RANBP2: variants seen among roughly 807,000 people sequenced by gnomAD.
The protein encoded by RANBP2 is RAN binding protein 2, also known as E3 SUMO-protein ligase RanBP2.
A neutral mutation model predicts 303.6 loss-of-function variants in RANBP2; 57 were observed. The observed-to-expected ratio is 0.19, with a 90% CI of 0.15 to 0.23. RANBP2 has a LOEUF of 0.23. RANBP2 is among the 10% of genes least tolerant of loss of function. The pLI is 1.00. For missense variants in RANBP2, 3,138 were observed against 3,780.8 expected, an observed-to-expected ratio of 0.83 and a Z score of 4.46; for synonymous variants, 1,167 against 1,301.5, an observed-to-expected ratio of 0.90 and a Z score of 2.23.
the RANBP2 span, among the ~76,000 whole-genome samples, chr2:109,626,177 C>T: frequency 6.6e-6 from 1 of 152,238 alleles, no homozygotes; most frequent in Non-Finnish European, 1.5e-5. Context: ...TAGATGATAA[C>T]ATCCAAATGC....
the RANBP2 span, among the ~76,000 whole-genome samples, chr2:108,983,586 ATCTG>A: frequency 2.0e-5 from 3 of 152,128 alleles, no homozygotes; most frequent in African/African-American, 7.2e-5. Context: ...CTCGTGATCC[ATCTG>A]TCTGCCTTGA....
chr2:108,784,318 A>G lies in RANBP2; in HGVS notation c.*417A>G, dbSNP rs185337564. The G allele has an allele frequency of 1.0e-3, 181 of 180,846 alleles. No homozygotes were observed. Among genetic ancestry groups the G allele is most frequent in the African/African-American group, 4.2e-3 (175 of 41,948 alleles). 11.2% of individuals were successfully genotyped at this position (180,846 alleles called of 1,614,324 possible). A position where few individuals can be genotyped will look rare whatever the true frequency, so the allele number is the denominator to read the frequency against. ...GATAATTTAATTTTAGGTTTGAAATATATTTGGTAATCTTAACTATTGGTG... is the reference window on the plus strand; with the variant it reads ...GATAATTTAATTTTAGGTTTGAAATGTATTTGGTAATCTTAACTATTGGTG... On this transcript the variant is annotated 3_prime_UTR_variant, in exon 29 of 29. Transcript: ENST00000283195.
the RANBP2 span, among the ~76,000 whole-genome samples, chr2:108,994,566 T>A: frequency 6.6e-6 from 1 of 151,942 alleles, no homozygotes; most frequent in Non-Finnish European, 1.5e-5. Flanking sequence ...CCAGAAAAAT[T>A]AAGAGGGGAG....
the RANBP2 span, among the ~76,000 whole-genome samples, chr2:108,839,946 C>G: frequency 6.6e-6 from 1 of 151,802 alleles, no homozygotes; most frequent in South Asian, 2.1e-4. Context: ...CCTTGTTTCT[C>G]CTCTTAGGAG....
chr2:109,062,154 GAT>G, the RANBP2 span, among the ~76,000 whole-genome samples: 21,218 of 152,140 alleles, frequency 0.14, 1,547 homozygotes, highest in Non-Finnish European at 0.16. Context: ...TTTCACTTTG[GAT>G]AAAAGTTATC....
chr2:108,761,052 G>T (rs1172253911), intron 18 of RANBP2, among the ~76,000 whole-genome samples: 1 of 150,028 alleles, frequency 6.7e-6, no homozygotes, highest in Non-Finnish European at 1.5e-5. Flanking sequence ...TATTAGAGCC[G>T]CACAGTTTAG....
chr2:108,986,078 T>C, the RANBP2 span, among the ~76,000 whole-genome samples: 1 of 152,118 alleles, frequency 6.6e-6, no homozygotes, highest in African/African-American at 2.4e-5. Context: ...CTAAGGGCAA[T>C]GATGAAAAAT....
chr2:109,662,867 A>C, the RANBP2 span, among the ~76,000 whole-genome samples: 1 of 152,284 alleles, frequency 6.6e-6, no homozygotes, highest in African/African-American at 2.4e-5. Flanking sequence ...TGCGATTGCC[A>C]TGGCTTCCTA....
chr2:108,930,380 C>T, the RANBP2 span: 72 of 876,502 alleles, frequency 8.2e-5, no homozygotes, highest in Admixed American at 9.2e-4. Flanking sequence ...GGAAGGTGCC[C>T]GCTTGTGAGT....
At chr2:109,708,282 C>G in the RANBP2 span, among the ~76,000 whole-genome samples, 2 of 151,626 alleles carry the variant, frequency 1.3e-5, no homozygotes, top group African/African-American at 2.4e-5. Flanking sequence ...GCTACTTGAG[C>G]CTGGGAGGTT....
the RANBP2 span, among the ~76,000 whole-genome samples, chr2:109,694,498 G>T: frequency 6.7e-6 from 1 of 150,318 alleles, no homozygotes; most frequent in Non-Finnish European, 1.5e-5. Flanking sequence ...CTACCTCCCA[G>T]GTTCAAGCGA....
chr2:108,742,438 G>A (rs1261578602), intron 7 of RANBP2, among the ~76,000 whole-genome samples: 2 of 151,988 alleles, frequency 1.3e-5, no homozygotes, highest in Non-Finnish European at 2.9e-5. Flanking sequence ...CACGTATCTG[G>A]GATTACAGGC....
intron 21 of RANBP2, 98 bp downstream of exon 21, chr2:108,771,969 T>G: frequency 1.4e-6 from 2 of 1,416,366 alleles, no homozygotes; most frequent in Non-Finnish European, 2.0e-6. Flanking sequence ...TTAGAACTTA[T>G]CACTAATATC....
At chr2:109,679,697 T>C in the RANBP2 span, among the ~76,000 whole-genome samples, 2 of 152,156 alleles carry the variant, frequency 1.3e-5, no homozygotes, top group Non-Finnish European at 2.9e-5. Flanking sequence ...CTTGCTTATA[T>C]AGCAATTCCC....
At chr2:109,313,261 C>G in the RANBP2 span, among the ~76,000 whole-genome samples, 1 of 152,240 alleles carries the variant, frequency 6.6e-6, no homozygotes, top group Non-Finnish European at 1.5e-5. Flanking sequence ...TTCCTCTTCA[C>G]AAGGCCCAGG....
the RANBP2 span, among the ~76,000 whole-genome samples, chr2:109,292,021 G>A: frequency 4.6e-5 from 7 of 152,134 alleles, no homozygotes; most frequent in East Asian, 3.9e-4. Context: ...ACGCCACCAC[G>A]CCCAGCTAAT....
chr2:108,731,434 C>T lies in RANBP2; in HGVS notation c.365C>T (p.Ala122Val). 1 of 1,611,422 alleles carries T rather than the reference C, an allele frequency of 6.2e-7. No individual in the cohort carries two copies. Among genetic ancestry groups the T allele is most frequent in the Non-Finnish European group, 8.5e-7 (1 of 1,179,546 alleles). Residue 122 changes from alanine to valine, a missense_variant, in exon 4 of 29, where the codon GCC becomes GTC. Ala to Val is a moderately conservative substitution (Grantham distance 64). Coordinates refer to ENST00000283195, the MANE Select transcript of RANBP2 (RefSeq NM_006267.5). The stretch of plus-strand genomic sequence containing the variant: ...GCAAAATACTGGCTTGAAAGAGCAG[C>T]CAAACTTTTCCCAGGAAGTCCTGCA... ...GRAKYWLERAAKLFPGSPAIY... is the reference protein window; with the variant it reads ...GRAKYWLERAVKLFPGSPAIY...
the RANBP2 span, among the ~76,000 whole-genome samples, chr2:109,498,650 C>G: frequency 6.6e-6 from 1 of 152,236 alleles, no homozygotes; most frequent in African/African-American, 2.4e-5. Context: ...TTCATTCCCC[C>G]TAAGTAGTAT....
At chr2:108,859,221 A>G in the RANBP2 span, among the ~76,000 whole-genome samples, 7 of 152,130 alleles carry the variant, frequency 4.6e-5, no homozygotes, top group Non-Finnish European at 1.0e-4. Context: ...GTATCTGTTC[A>G]TGTCCTTTGC....
Sources: allele counts gnomAD v4.1 joint callset (sites outside exome capture counted in the v4.1 genomes callset), GRCh38; gene constraint gnomAD v4.1.1; transcripts MANE v1.5; gene names NCBI Gene and HGNC (gene_info 2026-07-23, HGNC 2026-07-21).